Variants in PCDH15 observed in about 807,000 individuals in gnomAD.
The protein encoded by PCDH15 is protocadherin-15.
A neutral mutation model predicts 178.5 loss-of-function variants in PCDH15; 129 were observed. That is an observed-to-expected ratio of 0.72 (90% CI 0.63 to 0.84). The LOEUF (loss-of-function observed/expected upper bound fraction) is 0.84. PCDH15 is among the 40% of genes least tolerant of loss of function. PCDH15 has a pLI of 0.00. For synonymous variants in PCDH15, 800 were observed against 732.0 expected (o/e 1.09, Z -1.50); for missense variants, 2,230 against 2,099.9 (o/e 1.06, Z -1.21).
At chr10:54,184,989 T>A (rs2048358827) in intron 12 of PCDH15, 145 bp downstream of exon 12, 2 of 930,524 alleles carry the variant, frequency 2.1e-6, no homozygotes, top group Non-Finnish European at 3.3e-6. Flanking sequence ...TTTTCATTGA[T>A]CTTCTCTCTG....
chr10:55,494,506 C>G (rs1037977440), intron 2 of PCDH15, among the ~76,000 whole-genome samples: 2 of 151,306 alleles, frequency 1.3e-5, no homozygotes, highest in Non-Finnish European at 3.0e-5. Flanking sequence ...TTGAATTTTT[C>G]CTTTTTCTGT....
intron 1 of PCDH15, among the ~76,000 whole-genome samples, chr10:54,690,216 T>C (rs1002386408): frequency 6.6e-6 from 1 of 152,124 alleles, no homozygotes; most frequent in Non-Finnish European, 1.5e-5. Context: ...ACTGCCAGTG[T>C]ATAAAAATAC....
intron 2 of PCDH15, among the ~76,000 whole-genome samples, chr10:55,505,023 C>A (rs1840731659): frequency 6.6e-6 from 1 of 151,322 alleles, no homozygotes; most frequent in Non-Finnish European, 1.5e-5. Context: ...AATTTCAGGG[C>A]TTTACAATGT....
intron 2 of PCDH15, among the ~76,000 whole-genome samples, chr10:54,997,458 A>G (rs1839677156): frequency 6.6e-6 from 1 of 152,206 alleles, no homozygotes; most frequent in African/African-American, 2.4e-5. Flanking sequence ...TTAAAATAAA[A>G]GTTTCTTAGG....
chr10:55,480,304 AT>A (rs1840152080), intron 2 of PCDH15, among the ~76,000 whole-genome samples: 1 of 151,614 alleles, frequency 6.6e-6, no homozygotes, highest in South Asian at 2.1e-4. Context: ...CTCCCTTAAT[AT>A]TTGAATGCCT....
intron 15 of PCDH15, among the ~76,000 whole-genome samples, chr10:54,105,315 T>C (rs369369961): frequency 0.11 from 8,490 of 75,756 alleles, 334 homozygotes; most frequent in African/African-American, 0.14. Flanking sequence ...TATATATATA[T>C]ATACACACAC....
At chr10:54,853,314 T>TACACATACATAC (rs1333572193) in intron 3 of PCDH15, among the ~76,000 whole-genome samples, 1 of 129,110 alleles carries the variant, frequency 7.7e-6, no homozygotes, top group African/African-American at 3.0e-5. Context: ...TATATATATA[T>TACACATACATAC]ATATACATAC....
At chr10:54,737,192 C>A (rs561884297) in intron 1 of PCDH15, among the ~76,000 whole-genome samples, 1 of 152,142 alleles carries the variant, frequency 6.6e-6, no homozygotes, top group Admixed American at 6.6e-5. Context: ...CACTCATATT[C>A]GTTGCTCCAG....
At chr10:54,306,601 A>C (rs1395301627) in intron 8 of PCDH15, among the ~76,000 whole-genome samples, 1 of 151,938 alleles carries the variant, frequency 6.6e-6, no homozygotes, top group East Asian at 1.9e-4. Flanking sequence ...ATTTAATGTT[A>C]ATATCATCTG....
chr10:54,232,789 G>A (rs2054205472), intron 9 of PCDH15, among the ~76,000 whole-genome samples: 1 of 151,834 alleles, frequency 6.6e-6, no homozygotes, highest in Non-Finnish European at 1.5e-5. Context: ...TCTAGCTAGA[G>A]GTTTGTTAAT....
chr10:54,355,612 A>G (rs540067717), intron 5 of PCDH15, among the ~76,000 whole-genome samples: 17 of 152,110 alleles, frequency 1.1e-4, no homozygotes, highest in Non-Finnish European at 1.8e-4. Flanking sequence ...CTGAAACCAT[A>G]TAATTTAGAT....
intron 1 of PCDH15, among the ~76,000 whole-genome samples, chr10:54,679,218 A>G (rs1444149516): frequency 6.6e-6 from 1 of 151,310 alleles, no homozygotes; most frequent in Non-Finnish European, 1.5e-5. Context: ...AAAACATACA[A>G]TTGACAATAA....
intron 8 of PCDH15, among the ~76,000 whole-genome samples, chr10:54,287,063 A>T (rs1228928691): frequency 6.6e-6 from 1 of 152,244 alleles, no homozygotes; most frequent in African/African-American, 2.4e-5. Flanking sequence ...TTGATAAGTT[A>T]TACATTAAAT....
chr10:55,446,127 G>C (rs185713211), intron 2 of PCDH15, among the ~76,000 whole-genome samples: 1 of 151,954 alleles, frequency 6.6e-6, no homozygotes, highest in East Asian at 1.9e-4. Flanking sequence ...TCACTTTTCA[G>C]TCTTAAAAAT....
At chr10:54,203,308 G>C (rs2050441483) in intron 10 of PCDH15, among the ~76,000 whole-genome samples, 1 of 152,150 alleles carries the variant, frequency 6.6e-6, no homozygotes, top group Non-Finnish European at 1.5e-5. Flanking sequence ...AGTATTCATA[G>C]GTCATGGTCA....
intron 8 of PCDH15, among the ~76,000 whole-genome samples, chr10:54,263,056 C>T (rs1218828694): frequency 6.6e-6 from 1 of 152,216 alleles, no homozygotes; most frequent in Non-Finnish European, 1.5e-5. Context: ...ACTGCATTTT[C>T]TTTGTCTCTA....
At chr10:54,099,059 CTAGT>C (rs1826211650) in intron 15 of PCDH15, among the ~76,000 whole-genome samples, 2 of 152,138 alleles carry the variant, frequency 1.3e-5, no homozygotes, top group African/African-American at 4.8e-5. Flanking sequence ...ACTTTTCTAA[CTAGT>C]TAGATTTCTC....
intron 2 of PCDH15, among the ~76,000 whole-genome samples, chr10:55,369,199 G>A (rs1403329893): frequency 6.6e-6 from 1 of 151,780 alleles, no homozygotes; most frequent in African/African-American, 2.4e-5. Context: ...ACTTCTTACT[G>A]CCTAGAGTTC....
intron 15 of PCDH15, among the ~76,000 whole-genome samples, chr10:54,091,175 A>G (rs16937895): frequency 0.26 from 40,024 of 152,072 alleles, 5,387 homozygotes; most frequent in Non-Finnish European, 0.28. Context: ...AAAGACATGG[A>G]TAAAGAAAGA....
Sources: gnomAD v4.1 joint callset for allele counts (sites outside exome capture counted in the v4.1 genomes callset) on GRCh38, gnomAD v4.1.1 for gene constraint, MANE v1.5 for transcripts, NCBI Gene and HGNC (gene_info 2026-07-23, HGNC 2026-07-21) for gene names.